The following COL11A1 variants were observed in gnomAD, a reference collection of about 807,000 sequenced individuals.
COL11A1 encodes the protein collagen type XI alpha 1 chain.
COL11A1 carries 74 observed loss-of-function variants against 265.2 expected under a neutral mutation model. The observed-to-expected ratio is 0.28, with a 90% CI of 0.23 to 0.34. The LOEUF (loss-of-function observed/expected upper bound fraction) is 0.34, where lower values mean the gene tolerates loss of function less well. Among genes scored for constraint, COL11A1 ranks in the 10% least tolerant of loss-of-function variants. The pLI is 1.00. For missense variants in COL11A1, 2,165 were observed against 2,263.6 expected, an observed-to-expected ratio of 0.96 and a Z score of 0.88; for synonymous variants, 816 against 727.6, an observed-to-expected ratio of 1.12 and a Z score of -1.96.
At chr1:103,006,836 T>G (rs1246351856) in intron 15 of COL11A1, among the ~76,000 whole-genome samples, 1 of 152,148 alleles carries the variant, frequency 6.6e-6, no homozygotes, top group Non-Finnish European at 1.5e-5. Flanking sequence ...CCCTTATCAC[T>G]TATTAATTAT....
intron 24 of COL11A1, chr1:103,001,269 A>G (rs1006151775): frequency 7.6e-6 from 3 of 397,138 alleles, no homozygotes; most frequent in African/African-American, 6.2e-5. Flanking sequence ...TATTTAAATT[A>G]CACTTCGATA....
At position 102,883,289 on chromosome 1, in the gene COL11A1, G is replaced by A; in HGVS notation, c.4881C>T (p.Asn1627=). ...TGAAGGAATCTCCTGAGCAACCTTGGTTAGGATCAATCCAATATTCACCTA... is the reference window on the plus strand; with the variant it reads ...TGAAGGAATCTCCTGAGCAACCTTGATTAGGATCAATCCAATATTCACCTA... ...FPDGEYWIDP[N]QGCSGDSFKV... is the part of the protein sequence containing the mutation. The change falls in exon 64 of 67, where the codon AAC becomes AAT. Residue 1627 remains asparagine, a synonymous_variant. Transcript: ENST00000370096. 6.2e-7 allele frequency: 1 copy of A among 1,612,270 alleles called. No homozygotes were observed. The highest frequency in any genetic ancestry group is 2.2e-5 in the East Asian group (1 of 44,794).
intron 4 of COL11A1, 114 bp downstream of exon 4, chr1:103,074,504 T>G: frequency 8.6e-7 from 1 of 1,169,066 alleles, no homozygotes; most frequent in Non-Finnish European, 1.2e-6. Flanking sequence ...AGGTCACCCT[T>G]TAGAGTTTTC....
chr1:102,975,474 G>C (rs1662379897), intron 35 of COL11A1, among the ~76,000 whole-genome samples: 2 of 151,698 alleles, frequency 1.3e-5, no homozygotes, highest in Non-Finnish European at 1.5e-5. Context: ...TTGTAGATAA[G>C]GTAAAAATAA....
intron 4 of COL11A1, among the ~76,000 whole-genome samples, chr1:103,047,162 A>G (rs1004732515): frequency 4.6e-5 from 7 of 152,112 alleles, no homozygotes; most frequent in Non-Finnish European, 8.8e-5. Flanking sequence ...TGGTAGCCCA[A>G]TGGGGACGGC....
chr1:103,031,392 A>G (rs372008305), intron 4 of COL11A1, 148 bp from the exon 5 acceptor site: 1 of 1,000,952 alleles, frequency 1.0e-6, no homozygotes, highest in South Asian at 1.6e-5. Context: ...GAAGAGTCTT[A>G]TAGGATTGAA....
chr1:103,008,594 A>G, intron 14 of COL11A1, 78 bp from the exon 15 acceptor site: 1 of 1,114,542 alleles, frequency 9.0e-7, no homozygotes, highest in Admixed American at 1.7e-5. Flanking sequence ...TGCACCTGAA[A>G]TAATTAAACA....
intron 7 of COL11A1, among the ~76,000 whole-genome samples, chr1:103,023,212 T>C (rs568749448): frequency 6.6e-6 from 1 of 152,320 alleles, no homozygotes; most frequent in South Asian, 2.1e-4. Context: ...CAAAGCACTT[T>C]CTCCAATAAA....
chr1:103,002,804 A>G lies in COL11A1; in HGVS notation c.1999-13T>C, dbSNP rs1665243809. 6.2e-7 allele frequency: 1 copy of G among 1,612,032 alleles called. No homozygotes were observed. Among genetic ancestry groups the G allele is most frequent in the South Asian group, 1.1e-5 (1 of 91,044 alleles). On this transcript the variant is annotated splice_polypyrimidine_tract_variant and intron_variant, in intron 21 of 66. Transcript: ENST00000370096. ...CACCTGCCATACCCTGCAATGAAGAAAAAGTATTTATGGTTGTTTATATGT... is the reference window on the plus strand; with the variant it reads ...CACCTGCCATACCCTGCAATGAAGAGAAAGTATTTATGGTTGTTTATATGT...
At position 103,047,514 on chromosome 1, in the gene COL11A1, G is replaced by A. The variant is rs1238215016; in HGVS notation, c.652-16270C>T. Among the ~76,000 whole-genome samples the A allele has an allele frequency of 2.6e-5, 4 of 152,144 alleles. No homozygotes were observed. The East Asian group carries it at 7.7e-4, about 29-fold the overall frequency. ...TAAGGAGATTTTGGGCTGAGACGATGGGGTTTTCTGGATATACAATCATGT... is the reference window on the plus strand; with the variant it reads ...TAAGGAGATTTTGGGCTGAGACGATAGGGTTTTCTGGATATACAATCATGT... On this transcript the variant is annotated intron_variant, in intron 4 of 66. Transcript: ENST00000370096.
In COL11A1 at chr1:102,914,718, G is replaced by A; in HGVS notation, c.3910C>T (p.Pro1304Ser). The A allele has an allele frequency of 1.9e-6, 3 of 1,612,814 alleles. No homozygotes were observed. The highest frequency in any genetic ancestry group is 2.7e-5 in the African/African-American group (2 of 74,928). The change falls in exon 51 of 67, where the codon CCT becomes TCT. Residue 1304 changes from proline (P) to serine (S), a missense_variant. By Grantham distance (74) the Pro-to-Ser change is moderately conservative. Coordinates refer to ENST00000370096, the MANE Select transcript of COL11A1 (RefSeq NM_001854.4). ...GAKGPPGDDGPKGNPGPVGFP... is the reference protein window; with the variant it reads ...GAKGPPGDDGSKGNPGPVGFP... ...AACTCACTTACCGGGTTACCCTTAG[G>A]GCCATCATCACCTGGTGGCCCCTTG...
chr1:103,044,374 G>A (rs552018295), intron 4 of COL11A1, among the ~76,000 whole-genome samples: 15 of 152,092 alleles, frequency 9.9e-5, no homozygotes, highest in Admixed American at 3.3e-4. Context: ...CTTGTATTGC[G>A]CAGAATCCCA....
Position 102,879,863 on chromosome 1 carries a change from G to A in COL11A1, c.5094C>T (p.Phe1698=). The change falls in exon 66 of 67, where the codon TTC becomes TTT. Residue 1698 remains phenylalanine, a synonymous_variant. Coordinates refer to ENST00000370096, the MANE Select transcript of COL11A1 (RefSeq NM_001854.4). ...GAGCAGAGGCAGTCAGAAGTTTCAG[G>A]AATGTCATTTGCACCATATTGATGG... ...GNSINMVQMT[F]LKLLTASARQ... The A allele has an allele frequency of 6.2e-7, 1 of 1,613,890 alleles. No homozygotes were observed. The highest frequency in any genetic ancestry group is 8.5e-7 in the Non-Finnish European group (1 of 1,179,886).
intron 8 of COL11A1, among the ~76,000 whole-genome samples, chr1:103,022,098 C>T (rs558107194): frequency 7.9e-5 from 12 of 151,506 alleles, no homozygotes; most frequent in Admixed American, 1.3e-4. Context: ...TCAGGTAATC[C>T]GCCCGCCTCT....
chr1:103,052,004 T>C (rs1035796038), intron 4 of COL11A1, among the ~76,000 whole-genome samples: 1 of 152,174 alleles, frequency 6.6e-6, no homozygotes, highest in Non-Finnish European at 1.5e-5. Flanking sequence ...ATATCACCTA[T>C]TTGTTACCTA....
intron 53 of COL11A1, among the ~76,000 whole-genome samples, chr1:102,912,787 T>C (rs1179690741): frequency 1.3e-5 from 2 of 152,118 alleles, no homozygotes; most frequent in Non-Finnish European, 2.9e-5. Context: ...AGTGAGTGAG[T>C]TCTCACGAGA....
intron 58 of COL11A1, among the ~76,000 whole-genome samples, chr1:102,890,231 C>G (rs186749898): frequency 6.6e-6 from 1 of 151,906 alleles, no homozygotes; most frequent in Non-Finnish European, 1.5e-5. Context: ...TATAATGGAA[C>G]CTTGAGAAGA....
intron 2 of COL11A1, among the ~76,000 whole-genome samples, chr1:103,082,042 C>A (rs1305438052): frequency 6.6e-6 from 1 of 151,822 alleles, no homozygotes; most frequent in Admixed American, 6.6e-5. Context: ...ATATGAGGCT[C>A]GAAAATTGTC....
chr1:102,888,258 T>C (rs1651256858), intron 62 of COL11A1, among the ~76,000 whole-genome samples: 1 of 152,214 alleles, frequency 6.6e-6, no homozygotes, highest in African/African-American at 2.4e-5. Context: ...TCATTATTCC[T>C]AGAGTCAAGT....
Sources: gnomAD v4.1 joint callset for allele counts (sites outside exome capture counted in the v4.1 genomes callset) on GRCh38, gnomAD v4.1.1 for gene constraint, MANE v1.5 for transcripts, NCBI Gene and HGNC (gene_info 2026-07-23, HGNC 2026-07-21) for gene names.